PCLO: variants seen among roughly 807,000 people sequenced by gnomAD.
PCLO encodes protein piccolo.
In PCLO, 82 loss-of-function variants were observed where a neutral mutation model predicts 427.5. That is an observed-to-expected ratio of 0.19 (90% CI 0.16 to 0.23). The LOEUF (loss-of-function observed/expected upper bound fraction) is 0.23. Among genes scored for constraint, PCLO ranks in the 10% least tolerant of loss-of-function variants. The pLI, the probability that PCLO is intolerant of heterozygous loss-of-function variation, is 1.00. For missense variants in PCLO, 6,239 were observed against 6,115.9 expected, an observed-to-expected ratio of 1.02 and a Z score of -0.67; for synonymous variants, 2,357 against 2,155.4, an observed-to-expected ratio of 1.09 and a Z score of -2.59.
chr7:82,982,113 T>C (rs1490878786), intron 3 of PCLO, among the ~76,000 whole-genome samples: 2 of 152,130 alleles, frequency 1.3e-5, no homozygotes, highest in Non-Finnish European at 1.5e-5. Context: ...GTATAATTCA[T>C]TCAATTAATT....
chr7:83,066,465 T>C (rs1195203856), intron 3 of PCLO, among the ~76,000 whole-genome samples: 1 of 152,128 alleles, frequency 6.6e-6, no homozygotes, highest in Non-Finnish European at 1.5e-5. Flanking sequence ...AACACACATC[T>C]ATAAATACAA....
At chr7:83,026,461 C>A (rs1188472658) in intron 3 of PCLO, among the ~76,000 whole-genome samples, 1 of 152,106 alleles carries the variant, frequency 6.6e-6, no homozygotes, top group African/African-American at 2.4e-5. Flanking sequence ...AAAGCAAGTC[C>A]TGAGTGACCT....
Position 82,812,760 on chromosome 7 carries a change from A to G in PCLO, c.14792-6931T>C, listed in dbSNP as rs537125556. On this transcript the variant is annotated intron_variant, in intron 20 of 24. Coordinates refer to ENST00000333891, the MANE Select transcript of PCLO (RefSeq NM_033026.6). ...TCATATGTGAAAGAAAAAACATTCA[A>G]TTTTGAGCTACATCAAATTTTCATG... Among the ~76,000 whole-genome samples, 14 of 151,696 alleles carry G rather than the reference A, an allele frequency of 9.2e-5. 1 individual carries two copies. The highest frequency in any genetic ancestry group is 3.4e-4 in the African/African-American group (14 of 41,524).
intron 20 of PCLO, among the ~76,000 whole-genome samples, chr7:82,808,848 A>G (rs1428534379): frequency 6.6e-6 from 1 of 151,928 alleles, no homozygotes; most frequent in East Asian, 1.9e-4. Flanking sequence ...AGAGATATAT[A>G]GCCTCACATT....
chr7:82,876,745 A>G (rs1409148634), intron 10 of PCLO, among the ~76,000 whole-genome samples: 2 of 152,096 alleles, frequency 1.3e-5, no homozygotes, highest in Non-Finnish European at 2.9e-5. Flanking sequence ...GACAGTCAAG[A>G]CAGTATCGTG....
At chr7:83,014,875 A>T (rs62458582) in intron 3 of PCLO, among the ~76,000 whole-genome samples, 15,759 of 152,242 alleles carry the variant, frequency 0.1, 980 homozygotes, top group South Asian at 0.19. Context: ...GGATGGGAAT[A>T]TGTACTCCCT....
At chr7:82,923,998 A>C (rs1794655476) in intron 6 of PCLO, among the ~76,000 whole-genome samples, 1 of 152,110 alleles carries the variant, frequency 6.6e-6, no homozygotes. Context: ...TCCTGGAAGG[A>C]AAAACAGACC....
intron 20 of PCLO, among the ~76,000 whole-genome samples, chr7:82,817,249 A>C (rs1475629877): frequency 6.6e-6 from 1 of 152,196 alleles, no homozygotes; most frequent in African/African-American, 2.4e-5. Context: ...AGGTTTAAAA[A>C]ATTTTTTTGC....
At chr7:83,110,110 A>G (rs939540740) in intron 3 of PCLO, among the ~76,000 whole-genome samples, 2 of 151,366 alleles carry the variant, frequency 1.3e-5, no homozygotes, top group African/African-American at 4.8e-5. Flanking sequence ...ACTAGATTAT[A>G]CAACTTACAA....
intron 6 of PCLO, 34 bp from the exon 7 acceptor site, chr7:82,916,907 T>G: frequency 7.0e-7 from 1 of 1,427,288 alleles, no homozygotes; most frequent in Non-Finnish European, 9.4e-7. Context: ...AGTACTTTAG[T>G]ATAAAGAAAA....
chr7:83,093,492 A>ATATATATTTTTTTTTTTTTTTT, intron 3 of PCLO, among the ~76,000 whole-genome samples: 30 of 59,278 alleles, frequency 5.1e-4, no homozygotes, highest in South Asian at 1.2e-3. Context: ...ATATATATAT[A>ATATATATTTTTTTTTTTTTTTT]TTTTTTTTTT....
rs533819891 is a variant in PCLO, at chr7:83,044,642, G to A, written c.3301-78155C>T. On this transcript the variant is annotated intron_variant, in intron 3 of 24. Transcript: ENST00000333891. ...AATTTGTTGAGGGTTACATAATGAA[G>A]CAAACAAAAATCATTCTCTACAATA... Among the ~76,000 whole-genome samples the A allele has an allele frequency of 3.9e-5, 6 of 152,022 alleles. No individual in the cohort carries two copies. In the East Asian group the frequency reaches 1.2e-3, roughly 29 times the overall value.
chr7:83,096,309 A>G (rs984778835), intron 3 of PCLO, among the ~76,000 whole-genome samples: 1 of 152,138 alleles, frequency 6.6e-6, no homozygotes, highest in Non-Finnish European at 1.5e-5. Flanking sequence ...CCAGGTTCAC[A>G]TTCTTTCCAC....
intron 3 of PCLO, among the ~76,000 whole-genome samples, chr7:83,088,622 T>C: frequency 6.6e-6 from 1 of 152,162 alleles, no homozygotes; most frequent in East Asian, 1.9e-4. Flanking sequence ...CCCTCACTGA[T>C]TCATCATTTT....
Position 82,949,892 on chromosome 7 carries a change from C to T in PCLO, c.10696G>A (p.Gly3566Arg). Reference sequence around the variant, plus strand: ...TCTGAATCTGCTTCTGTTTGACATCCTAAACTGCCCCCTTTGTAAGTCTTT... The same window carrying T: ...TCTGAATCTGCTTCTGTTTGACATCTTAAACTGCCCCCTTTGTAAGTCTTT... ...PEKTYKGGSL[G>R]CQTEADSDTQ... The change falls in exon 6 of 25, where the codon GGA becomes AGA. Residue 3566 changes from glycine to arginine, a missense_variant. By Grantham distance (125) the Gly-to-Arg change is moderately radical. Coordinates refer to ENST00000333891, the MANE Select transcript of PCLO (RefSeq NM_033026.6). The T allele has an allele frequency of 6.2e-7, 1 of 1,613,720 alleles. No homozygotes were observed. Among genetic ancestry groups the T allele is most frequent in the Non-Finnish European group, 8.5e-7 (1 of 1,179,840 alleles).
At chr7:83,010,547 A>G (rs1040152560) in intron 3 of PCLO, among the ~76,000 whole-genome samples, 1 of 150,872 alleles carries the variant, frequency 6.6e-6, no homozygotes, top group Non-Finnish European at 1.5e-5. Flanking sequence ...TTTATATCAT[A>G]TACAAATAAT....
chr7:83,096,684 A>G (rs573117265), intron 3 of PCLO, among the ~76,000 whole-genome samples: 2,149 of 103,436 alleles, frequency 0.021, 52 homozygotes, highest in Middle Eastern at 0.064. Flanking sequence ...TATTTTTTAA[A>G]CAAATAAAGT....
rs1790349236 is a variant in PCLO at position 82,757,782 on chromosome 7, T to C, written c.*793A>G. 6.8e-6 allele frequency: 1 copy of C among 147,940 alleles called. No homozygotes were observed. Among genetic ancestry groups the C allele is most frequent in the African/African-American group, 2.4e-5 (1 of 41,106 alleles). 9.2% of individuals were successfully genotyped at this position (147,940 alleles called of 1,614,324 possible). ...AGATTTTGATGGTTTCAACCAAAAT[T>C]CCAATATTTTATGGGGCAACATTCT... On this transcript the variant is annotated 3_prime_UTR_variant, in exon 25 of 25. Coordinates refer to ENST00000333891, the MANE Select transcript of PCLO (RefSeq NM_033026.6).
Position 83,162,822 on chromosome 7 carries a change from A to G in PCLO, c.-230T>C, listed in dbSNP as rs1253909802. 2.3e-5 allele frequency: 13 copies of G among 573,304 alleles called. No individual in the cohort carries two copies. Among genetic ancestry groups the G allele is most frequent in the Non-Finnish European group, 3.6e-5 (12 of 334,560 alleles). 35.5% of individuals were successfully genotyped at this position (573,304 alleles called of 1,614,324 possible). A position where few individuals can be genotyped will look rare whatever the true frequency, so the allele number is the denominator to read the frequency against. ...CCTCCATGTTGGACAGCGCCAGGCA[A>G]CCTTTGCAGAAGACACCTCCCGGAC... On this transcript the variant is annotated 5_prime_UTR_variant, in exon 1 of 25. Coordinates refer to ENST00000333891, the MANE Select transcript of PCLO (RefSeq NM_033026.6).
Sources: allele counts gnomAD v4.1 joint callset (sites outside exome capture counted in the v4.1 genomes callset), GRCh38; gene constraint gnomAD v4.1.1; transcripts MANE v1.5; gene names NCBI Gene and HGNC (gene_info 2026-07-23, HGNC 2026-07-21).